ZDHHC14: variants seen among roughly 807,000 people sequenced by gnomAD.
ZDHHC14 encodes zDHHC palmitoyltransferase 14.
In ZDHHC14, 16 loss-of-function variants were observed where a neutral mutation model predicts 47.7. That is an observed-to-expected ratio of 0.34 (90% CI 0.23 to 0.51). The LOEUF (loss-of-function observed/expected upper bound fraction) is 0.51. Among genes scored for constraint, ZDHHC14 ranks in the 20% least tolerant of loss-of-function variants. The pLI is 0.97. For synonymous variants in ZDHHC14, 293 were observed against 278.9 expected (o/e 1.05, Z -0.50); for missense variants, 515 against 662.5 (o/e 0.78, Z 2.44).
intron 8 of ZDHHC14, 102 bp from the exon 9 acceptor site, chr6:157,672,622 G>C (rs1387651113): frequency 1.6e-5 from 7 of 436,436 alleles, no homozygotes; most frequent in Admixed American, 1.3e-4. Context: ...CTCTCTTCTC[G>C]CACCCCACCC....
intron 2 of ZDHHC14, among the ~76,000 whole-genome samples, chr6:157,547,283 C>A (rs763138948): frequency 6.6e-6 from 1 of 152,178 alleles, no homozygotes; most frequent in African/African-American, 2.4e-5. Context: ...TCTTGTAGTA[C>A]GCAGAACCAA....
chr6:157,505,755 C>T (rs773049326), intron 1 of ZDHHC14, among the ~76,000 whole-genome samples: 7 of 152,102 alleles, frequency 4.6e-5, no homozygotes, highest in Non-Finnish European at 1.0e-4. Flanking sequence ...TTTGTTTAAA[C>T]GAAGAATTAA....
intron 1 of ZDHHC14, among the ~76,000 whole-genome samples, chr6:157,383,297 A>T (rs942489750): frequency 5.9e-5 from 9 of 152,180 alleles, no homozygotes; most frequent in African/African-American, 2.2e-4. Flanking sequence ...CTCAGAATTT[A>T]AAGAAAGCAA....
At chr6:157,576,316 T>TGG (rs1411656721) in intron 2 of ZDHHC14, among the ~76,000 whole-genome samples, 1 of 152,228 alleles carries the variant, frequency 6.6e-6, no homozygotes, top group Non-Finnish European at 1.5e-5. Context: ...AATTCTCCAG[T>TGG]GGAAACCGAA....
At chr6:157,497,504 A>G (rs1050531916) in intron 1 of ZDHHC14, among the ~76,000 whole-genome samples, 1 of 152,128 alleles carries the variant, frequency 6.6e-6, no homozygotes, top group Non-Finnish European at 1.5e-5. Flanking sequence ...ATTTGCATGT[A>G]ATGTGTATAC....
At chr6:157,579,224 G>A (rs1488770189) in intron 2 of ZDHHC14, among the ~76,000 whole-genome samples, 5 of 121,082 alleles carry the variant, frequency 4.1e-5, no homozygotes, top group Admixed American at 2.9e-4. Flanking sequence ...TTTGGATGGA[G>A]TCTCACTCTG....
At chr6:157,522,986 CTTTTCT>C (rs1781010814) in intron 1 of ZDHHC14, among the ~76,000 whole-genome samples, 1 of 26,080 alleles carries the variant, frequency 3.8e-5, no homozygotes, top group African/African-American at 2.2e-4. Context: ...TTTTCTTTTT[CTTTTCT>C]TTTCTTTTCT....
rs139848971 is a variant in ZDHHC14, at chr6:157,674,151, A to G, written c.*1029A>G. 1 of 152,258 alleles carries G rather than the reference A, an allele frequency of 6.6e-6. No individual in the cohort carries two copies. Among genetic ancestry groups the G allele is most frequent in the African/African-American group, 2.4e-5 (1 of 41,544 alleles). 9.4% of individuals were successfully genotyped at this position (152,258 alleles called of 1,614,324 possible). A position where few individuals can be genotyped will look rare whatever the true frequency, so the allele number is the denominator to read the frequency against. ...TCTTTAATTATCTCTTTTTGACACCATCTTAGTGGAATTTGCTCTACGTTT... is the reference window on the plus strand; with the variant it reads ...TCTTTAATTATCTCTTTTTGACACCGTCTTAGTGGAATTTGCTCTACGTTT... On this transcript the variant is annotated 3_prime_UTR_variant, in exon 9 of 9. Transcript: ENST00000359775.
rs75452114 is a variant in ZDHHC14 at position 157,659,315 on chromosome 6, G to A, written c.1068+5688G>A. ...ATTCTGTGAAATGCACATGCCAGCC[G>A]AGAGACCTGGGAACCTCTAGCAGAG... On this transcript the variant is annotated intron_variant, in intron 8 of 8. Transcript: ENST00000359775. Among the ~76,000 whole-genome samples, 60 of 152,316 alleles carry A rather than the reference G, an allele frequency of 3.9e-4. No homozygotes were observed. In the East Asian group the frequency reaches 6.2e-3, roughly 16 times the overall value.
intron 1 of ZDHHC14, among the ~76,000 whole-genome samples, chr6:157,405,167 A>C (rs952024720): frequency 1.3e-5 from 2 of 152,226 alleles, no homozygotes. Flanking sequence ...GAAATGTGAA[A>C]CAAGGAGAGA....
chr6:157,636,375 CTG>C (rs750501455), intron 5 of ZDHHC14, among the ~76,000 whole-genome samples: 4 of 150,980 alleles, frequency 2.6e-5, no homozygotes, highest in Non-Finnish European at 5.9e-5. Context: ...GCATCTATAT[CTG>C]TATGTCTATC....
chr6:157,496,634 G>T (rs1780072861), intron 1 of ZDHHC14, among the ~76,000 whole-genome samples: 1 of 152,214 alleles, frequency 6.6e-6, no homozygotes, highest in African/African-American at 2.4e-5. Context: ...TGTGCCTGGG[G>T]TGATGCACCC....
At chr6:157,477,500 A>G (rs17165353) in intron 1 of ZDHHC14, among the ~76,000 whole-genome samples, 41,265 of 152,164 alleles carry the variant, frequency 0.27, 6,271 homozygotes, top group East Asian at 0.48. Flanking sequence ...TGATTTTTGA[A>G]TATATTCCAT....
At chr6:157,643,675 ATGC>A (rs1562525363) in intron 5 of ZDHHC14, among the ~76,000 whole-genome samples, 49 of 129,440 alleles carry the variant, frequency 3.8e-4, no homozygotes, top group South Asian at 7.8e-4. Context: ...ATATATATAT[ATGC>A]TGTATTTTTT....
At chr6:157,640,688 CT>C (rs1777207416) in intron 5 of ZDHHC14, among the ~76,000 whole-genome samples, 1 of 152,216 alleles carries the variant, frequency 6.6e-6, no homozygotes, top group Non-Finnish European at 1.5e-5. Context: ...CCTGCTACCC[CT>C]AACCAGCCCC....
chr6:157,556,342 C>T (rs1158736469), intron 2 of ZDHHC14, among the ~76,000 whole-genome samples: 2 of 152,214 alleles, frequency 1.3e-5, no homozygotes, highest in East Asian at 3.9e-4. Flanking sequence ...ACATGCCCAT[C>T]AGTCCTCTCG....
chr6:157,489,582 G>A (rs2114725735), intron 1 of ZDHHC14, among the ~76,000 whole-genome samples: 1 of 152,176 alleles, frequency 6.6e-6, no homozygotes, highest in Non-Finnish European at 1.5e-5. Context: ...GAGGGTGGTG[G>A]TTATTCATAG....
chr6:157,435,086 C>T (rs1021260631), intron 1 of ZDHHC14, among the ~76,000 whole-genome samples: 5 of 152,208 alleles, frequency 3.3e-5, no homozygotes, highest in South Asian at 2.1e-4. Flanking sequence ...GTTTTCACTC[C>T]GGAAGGAATC....
chr6:157,513,126 C>T (rs1210877125), intron 1 of ZDHHC14, among the ~76,000 whole-genome samples: 1 of 152,240 alleles, frequency 6.6e-6, no homozygotes, highest in African/African-American at 2.4e-5. Context: ...TAAGGAGATT[C>T]TTTAGCCCAG....
Sources: gnomAD v4.1 joint callset for allele counts (sites outside exome capture counted in the v4.1 genomes callset) on GRCh38, gnomAD v4.1.1 for gene constraint, MANE v1.5 for transcripts, NCBI Gene and HGNC (gene_info 2026-07-23, HGNC 2026-07-21) for gene names.